EXOSC10: variants seen among roughly 807,000 people sequenced by gnomAD.
EXOSC10 encodes exosome component 10, also known as exosome complex component 10.
EXOSC10 carries 94 observed loss-of-function variants against 126.6 expected under a neutral mutation model. The ratio of observed to expected loss-of-function variants is 0.74; its 90% CI spans 0.63 to 0.88. The LOEUF is 0.88. EXOSC10 is among the 40% of genes least tolerant of loss of function. EXOSC10 has a pLI of 0.00. For missense variants in EXOSC10, 1,041 were observed against 1,100.5 expected (o/e 0.95, Z 0.77); for synonymous variants, 395 against 400.8 (o/e 0.99, Z 0.17).
At chr1:11,080,646 T>TTA (rs2100980301) in intron 12 of EXOSC10, 97 bp from the exon 13 acceptor site, 1 of 1,603,502 alleles carries the variant, frequency 6.2e-7, no homozygotes, top group South Asian at 1.1e-5. Context: ...TTCCATTAGA[T>TTA]GCTGTCACAT....
chr1:11,074,121 C>T (rs1639680179), intron 18 of EXOSC10, 110 bp downstream of exon 18: 2 of 1,378,862 alleles, frequency 1.5e-6, no homozygotes, highest in Non-Finnish European at 2.1e-6. Flanking sequence ...TTTGCCAGGA[C>T]ACCAGGGCAG....
intron 9 of EXOSC10, 56 bp downstream of exon 9, chr1:11,087,392 A>C: frequency 6.2e-7 from 1 of 1,602,382 alleles, no homozygotes; most frequent in Non-Finnish European, 8.5e-7. Context: ...GTACACTGAA[A>C]AGCACTAAAA....
Position 11,080,567 on chromosome 1 carries a change from CACA to C in EXOSC10, c.1587-21_1587-19del, listed in dbSNP as rs755457656. On this transcript the variant is annotated intron_variant, in intron 12 of 24. Transcript: ENST00000376936. ...GTACATATCTGGAAAAAAAAAAACA[CACA>C]CACACACACACACACACACACACAC... The C allele has an allele frequency of 1.2e-5, 5 of 401,412 alleles. No individual in the cohort carries two copies. In the East Asian group the frequency reaches 5.7e-4, roughly 46 times the overall value. The allele number at this position is 401,412 out of a possible 1,614,324, so 24.9% of individuals were successfully genotyped here.
intron 1 of EXOSC10, 171 bp downstream of exon 1, chr1:11,099,550 G>A (rs1252236645): frequency 9.8e-6 from 6 of 612,580 alleles, no homozygotes; most frequent in African/African-American, 2.0e-5. Flanking sequence ...GTCCGTTTCC[G>A]AGGCCCCATC....
chr1:11,092,382 T>C lies in EXOSC10; in HGVS notation c.373-785A>G, dbSNP rs192780080. 4.0e-5 allele frequency among the ~76,000 whole-genome samples: 6 copies of C among 151,650 alleles called. No individual in the cohort carries two copies. In the East Asian group the frequency reaches 1.2e-3, roughly 30 times the overall value. ...GGCATGCACCACCACGCCCAGCTAA[T>C]TTTTGTATTTTTAGTAGAGACAGGG... On this transcript the variant is annotated intron_variant, in intron 3 of 24. Coordinates refer to ENST00000376936, the MANE Select transcript of EXOSC10 (RefSeq NM_001001998.3).
Position 11,087,893 on chromosome 1 carries a change from T to C in EXOSC10, c.852A>G (p.Glu284=), listed in dbSNP as rs758955976. The change falls in exon 8 of 25, where the codon GAA becomes GAG. Residue 284 remains glutamate, a synonymous_variant. Transcript: ENST00000376936. ...AGGATATGAAATGGCATGGTGTCTC[T>C]TCTATAGGTCTGTATAACTGGATCA... The part of the protein sequence containing the change: ...KPQPQLYRPI[E]ETPCHFISSL... The C allele has an allele frequency of 5.6e-6, 9 of 1,607,670 alleles. No homozygotes were observed. Among genetic ancestry groups the C allele is most frequent in the Non-Finnish European group, 7.7e-6 (9 of 1,174,526 alleles).
rs150412625 is a variant in EXOSC10, at chr1:11,093,057, G to A, written c.373-1460C>T. 8.0e-3 allele frequency among the ~76,000 whole-genome samples: 1,223 copies of A among 152,050 alleles called. 25 individuals are homozygous for A. Among genetic ancestry groups the A allele is most frequent in the African/African-American group, 0.028 (1,150 of 41,442 alleles). ...TTGAGACATAACCATGTAAATGATC[G>A]CCTATACAATTTTTGTCAATAAAAA... On this transcript the variant is annotated intron_variant, in intron 3 of 24. Coordinates refer to ENST00000376936, the MANE Select transcript of EXOSC10 (RefSeq NM_001001998.3).
intron 19 of EXOSC10, 31 bp from the exon 20 acceptor site, chr1:11,072,202 C>A (rs756725398): frequency 3.0e-5 from 46 of 1,554,476 alleles, no homozygotes; most frequent in Admixed American, 1.4e-4. Context: ...ACAAAAAAAA[C>A]CCTCCAAAGT....
intron 22 of EXOSC10, among the ~76,000 whole-genome samples, chr1:11,069,244 T>TGTGTGTGAGAGAGAGAGAGAGA: frequency 1.7e-5 from 2 of 116,826 alleles, no homozygotes; most frequent in Admixed American, 9.7e-5. Context: ...TGTGTGTGTG[T>TGTGTGTGAGAGAGAGAGAGAGA]GAGAGAGAGA....
chr1:11,077,710 C>T, intron 14 of EXOSC10, 59 bp from the exon 15 acceptor site: 34 of 1,481,130 alleles, frequency 2.3e-5, no homozygotes, highest in South Asian at 6.1e-5. Flanking sequence ...AGTCCAACCC[C>T]CAGTCTCCAG....
At position 11,087,588 on chromosome 1, in the gene EXOSC10, G is replaced by A; in HGVS notation, c.949C>T (p.His317Tyr). The change falls in exon 9 of 25, where the codon CAC (histidine) becomes TAC (tyrosine). Residue 317 changes from histidine (H) to tyrosine (Y), a missense_variant. Transcript: ENST00000376936. ...CQEFAVDLEH[H>Y]SYRSFLGLTC... ...AGTCCCAGGAAGCTCCTGTAAGAGT[G>A]GTGCTAAACCCCACAGAAGGAGGGG... 1.2e-6 allele frequency: 2 copies of A among 1,613,900 alleles called. No homozygotes were observed. Among genetic ancestry groups the A allele is most frequent in the East Asian group, 4.5e-5 (2 of 44,878 alleles).
In EXOSC10 at chr1:11,091,023, G is replaced by C. The variant is rs1299554130; in HGVS notation, c.634C>G (p.Leu212Val). ...IFIKPNAQKP[L>V]PQALSKERRE... ...AGTATGCACTATTTACCTTGAGGGA[G>C]AGGTTTCTGAGCATTGGGTTTGATG... Residue 212 changes from leucine to valine, a missense_variant, in exon 5 of 25, where the codon CTC becomes GTC. Coordinates refer to ENST00000376936, the MANE Select transcript of EXOSC10 (RefSeq NM_001001998.3). The C allele has an allele frequency of 6.2e-7, 1 of 1,613,764 alleles. No individual in the cohort carries two copies. The highest frequency in any genetic ancestry group is 8.5e-7 in the Non-Finnish European group (1 of 1,179,902).
intron 16 of EXOSC10, 55 bp from the exon 17 acceptor site, chr1:11,077,003 C>G: frequency 7.0e-7 from 1 of 1,434,046 alleles, no homozygotes; most frequent in Non-Finnish European, 9.8e-7. Context: ...TTTATTTTTT[C>G]TTTTTGAGAT....
chr1:11,072,991 C>T (rs1305836618), intron 19 of EXOSC10: 1 of 152,160 alleles, frequency 6.6e-6, no homozygotes, highest in Non-Finnish European at 1.5e-5. Context: ...TTAAAGCTGT[C>T]ACCTTTAAGA....
Position 11,069,677 on chromosome 1 carries a change from T to C in EXOSC10, c.2370A>G (p.Thr790=). 1.9e-6 allele frequency: 3 copies of C among 1,614,216 alleles called. No homozygotes were observed. The highest frequency in any genetic ancestry group is 2.5e-6 in the Non-Finnish European group (3 of 1,180,036). ...GTCGTTTCTTCTCTTGTTTCTGTTC[T>C]GTGGTCCTTGGGTCGCTTGTTGCTC... is the stretch of plus-strand genomic sequence containing the variant. ...RERATSDPRT[T]EQKQEKKRLK... The change falls in exon 22 of 25, where the codon ACA becomes ACG. Residue 790 remains threonine, a synonymous_variant. Transcript: ENST00000376936.
chr1:11,092,175 T>G (rs1640842088), intron 3 of EXOSC10, among the ~76,000 whole-genome samples: 1 of 152,246 alleles, frequency 6.6e-6, no homozygotes, highest in Non-Finnish European at 1.5e-5. Context: ...GAAAGTGATT[T>G]GCATTTAGTA....
intron 6 of EXOSC10, 93 bp from the exon 7 acceptor site, chr1:11,088,291 G>T (rs1640612864): frequency 1.2e-6 from 1 of 822,728 alleles, no homozygotes; most frequent in Non-Finnish European, 1.9e-6. Flanking sequence ...AAAAACAAAT[G>T]AGAAAAGACC....
At chr1:11,087,386 A>T (rs1640553051) in intron 9 of EXOSC10, 62 bp downstream of exon 9, 3 of 1,589,962 alleles carry the variant, frequency 1.9e-6, no homozygotes, top group Non-Finnish European at 2.6e-6. Flanking sequence ...GAAATAGTAC[A>T]CTGAAAAGCA....
In EXOSC10 at chr1:11,090,958, G is replaced by C. The variant is rs967274115; in HGVS notation, c.643+56C>G. ...GAAGAGAGACCTGTACACCCTTCCT[G>C]GTTTTTGCATCAAATAAAGTGAGAC... On this transcript the variant is annotated intron_variant, in intron 5 of 24. Transcript: ENST00000376936. 21 of 1,570,402 alleles carry C rather than the reference G, an allele frequency of 1.3e-5. No individual in the cohort carries two copies. The African/African-American group carries it at 2.7e-4, about 20-fold the overall frequency.
Sources: gnomAD v4.1 joint callset for allele counts (sites outside exome capture counted in the v4.1 genomes callset) on GRCh38, gnomAD v4.1.1 for gene constraint, MANE v1.5 for transcripts, NCBI Gene and HGNC (gene_info 2026-07-23, HGNC 2026-07-21) for gene names.